Variants in SELP observed in about 807,000 individuals in gnomAD.
SELP encodes P-selectin.
In SELP, 92 loss-of-function variants were observed where a neutral mutation model predicts 104.1. The observed-to-expected ratio is 0.88, with a 90% CI of 0.75 to 1.05. The LOEUF (loss-of-function observed/expected upper bound fraction) is 1.05. Ranked by LOEUF, SELP falls within the 50% of genes least tolerant of loss-of-function variation. SELP has a pLI of 0.00. For synonymous variants in SELP, 397 were observed against 364.5 expected (o/e 1.09, Z -1.01); for missense variants, 1,022 against 1,017.3 (o/e 1.00, Z -0.06).
chr1:169,595,889 G>A (rs745596055), intron 12 of SELP, 36 bp downstream of exon 12: 4 of 1,591,894 alleles, frequency 2.5e-6, no homozygotes, highest in South Asian at 2.2e-5. Flanking sequence ...CTTGCAGGAA[G>A]GCAGGTTCAG....
intron 1 of SELP, among the ~76,000 whole-genome samples, chr1:169,620,727 G>A (rs1366362612): frequency 7.3e-5 from 11 of 151,236 alleles, no homozygotes; most frequent in Non-Finnish European, 1.3e-4. Context: ...GACGGTGTGC[G>A]GTTGTGTGTA....
intron 3 of SELP, among the ~76,000 whole-genome samples, 169 bp from the exon 4 acceptor site, chr1:169,613,862 T>C (rs1662677129): frequency 1.3e-5 from 2 of 152,192 alleles, no homozygotes; most frequent in African/African-American, 4.8e-5. Context: ...TGAAAAGCAT[T>C]GTAGGGGCCT....
intron 10 of SELP, among the ~76,000 whole-genome samples, chr1:169,601,563 T>C (rs79730810): frequency 0.013 from 1,992 of 152,342 alleles, 21 homozygotes; most frequent in Middle Eastern, 0.02. Context: ...CTGCCATTTC[T>C]AAAGTTCATT....
At chr1:169,601,922 T>C (rs1429441261) in intron 10 of SELP, among the ~76,000 whole-genome samples, 2 of 152,210 alleles carry the variant, frequency 1.3e-5, no homozygotes, top group Non-Finnish European at 2.9e-5. Context: ...TATTACTAAC[T>C]CTACACTGAA....
rs1474009528 is a variant in SELP, at chr1:169,625,504, T to C, written c.3+4568A>G. On this transcript the variant is annotated intron_variant, in intron 1 of 16. Transcript: ENST00000263686. ...TCTGAATATTCTCTTGAGCAGGAGGTCCACAATTTAAATGCGCAACAAACA... is the reference window on the plus strand; with the variant it reads ...TCTGAATATTCTCTTGAGCAGGAGGCCCACAATTTAAATGCGCAACAAACA... Among the ~76,000 whole-genome samples, 3 of 152,090 alleles carry C rather than the reference T, an allele frequency of 2.0e-5. No homozygotes were observed. In the South Asian group the frequency reaches 6.2e-4, roughly 32 times the overall value.
At chr1:169,626,088 C>T (rs933305885) in intron 1 of SELP, among the ~76,000 whole-genome samples, 1 of 152,044 alleles carries the variant, frequency 6.6e-6, no homozygotes, top group Non-Finnish European at 1.5e-5. Flanking sequence ...GGAAGAAGAG[C>T]ATTAAAGGAA....
chr1:169,592,851 C>G (rs1260393168), intron 14 of SELP, among the ~76,000 whole-genome samples: 2 of 152,172 alleles, frequency 1.3e-5, no homozygotes, highest in Non-Finnish European at 2.9e-5. Flanking sequence ...CCATAATCCC[C>G]TTTTGATTCA....
At chr1:169,595,603 G>T (rs949920750) in intron 12 of SELP, among the ~76,000 whole-genome samples, 1 of 152,136 alleles carries the variant, frequency 6.6e-6, no homozygotes, top group African/African-American at 2.4e-5. Flanking sequence ...CACATAATAT[G>T]CAACTTCTAG....
At chr1:169,622,660 G>A (rs1355525973) in intron 1 of SELP, among the ~76,000 whole-genome samples, 1 of 152,146 alleles carries the variant, frequency 6.6e-6, no homozygotes, top group Non-Finnish European at 1.5e-5. Flanking sequence ...TAGTTGTCAT[G>A]CTAACTCAAT....
chr1:169,593,754 C>T (rs369706028), intron 13 of SELP, 30 bp from the exon 14 acceptor site: 3 of 1,611,178 alleles, frequency 1.9e-6, no homozygotes, highest in East Asian at 4.5e-5. Flanking sequence ...ACATGCAAGA[C>T]ATAAGAAGTG....
chr1:169,621,816 G>A (rs1663149780), intron 1 of SELP, among the ~76,000 whole-genome samples: 1 of 152,150 alleles, frequency 6.6e-6, no homozygotes, highest in African/African-American at 2.4e-5. Flanking sequence ...TGCACAAAAT[G>A]CAGAGTGATC....
At chr1:169,604,705 T>G (rs1462677618) in intron 9 of SELP, among the ~76,000 whole-genome samples, 1 of 152,182 alleles carries the variant, frequency 6.6e-6, no homozygotes, top group Admixed American at 6.5e-5. Context: ...TAAGTGTGTA[T>G]GTGGGGCTGG....
intron 13 of SELP, 37 bp from the exon 14 acceptor site, chr1:169,593,761 A>G (rs1392463785): frequency 6.2e-7 from 1 of 1,610,232 alleles, no homozygotes; most frequent in Non-Finnish European, 8.5e-7. Context: ...AGACATAAGA[A>G]GTGTATTATG....
rs549051481 is a variant in SELP, at chr1:169,623,659, C to G, written c.4-4440G>C. Among the ~76,000 whole-genome samples, 13 of 152,190 alleles carry G rather than the reference C, an allele frequency of 8.5e-5. No homozygotes were observed. In the South Asian group the frequency reaches 2.5e-3, roughly 29 times the overall value. On this transcript the variant is annotated intron_variant, in intron 1 of 16. Coordinates refer to ENST00000263686, the MANE Select transcript of SELP (RefSeq NM_003005.4). Reference sequence around the variant, plus strand: ...AGGAAAATGCAAGTCAGTGTGCATCCCCTGCTTTAATCTGACATACTTTTC... The same window carrying G: ...AGGAAAATGCAAGTCAGTGTGCATCGCCTGCTTTAATCTGACATACTTTTC...
intron 1 of SELP, among the ~76,000 whole-genome samples, chr1:169,624,233 T>C (rs758749634): frequency 8.5e-5 from 13 of 152,176 alleles, no homozygotes; most frequent in Non-Finnish European, 1.9e-4. Context: ...CATTATAGTC[T>C]GCAGGATGCT....
intron 9 of SELP, among the ~76,000 whole-genome samples, chr1:169,606,701 G>A (rs1266450972): frequency 6.6e-6 from 1 of 152,142 alleles, no homozygotes; most frequent in Non-Finnish European, 1.5e-5. Flanking sequence ...ACCCTGATAA[G>A]GAGTTAGCAA....
intron 1 of SELP, among the ~76,000 whole-genome samples, chr1:169,625,419 A>G (rs980842334): frequency 6.6e-6 from 1 of 152,152 alleles, no homozygotes; most frequent in Non-Finnish European, 1.5e-5. Context: ...TTTCCTGGGA[A>G]GTAAAGATGA....
chr1:169,609,409 T>C (rs1220279770), intron 8 of SELP, 95 bp downstream of exon 8: 28 of 1,239,438 alleles, frequency 2.3e-5, no homozygotes, highest in Non-Finnish European at 3.2e-5. Flanking sequence ...TCTCAGTGAA[T>C]ATCTGATAAA....
intron 1 of SELP, among the ~76,000 whole-genome samples, chr1:169,621,410 G>A (rs1663128540): frequency 1.4e-5 from 2 of 139,534 alleles, no homozygotes. Context: ...GATGTAGGGT[G>A]CATGGGACAG....
Sources: allele counts gnomAD v4.1 joint callset (sites outside exome capture counted in the v4.1 genomes callset), GRCh38; gene constraint gnomAD v4.1.1; transcripts MANE v1.5; gene names NCBI Gene and HGNC (gene_info 2026-07-23, HGNC 2026-07-21).